AK7: variants seen among roughly 807,000 people sequenced by gnomAD.
AK7 encodes adenylate kinase 7.
A neutral mutation model predicts 96.6 loss-of-function variants in AK7; 78 were observed. That is an observed-to-expected ratio of 0.81 (90% CI 0.67 to 0.97). The LOEUF (loss-of-function observed/expected upper bound fraction) is 0.97. Among genes scored for constraint, AK7 ranks in the 50% least tolerant of loss-of-function variants. The pLI is 0.00. For missense variants in AK7, 855 were observed against 887.9 expected (o/e 0.96, Z 0.47); for synonymous variants, 302 against 317.2 (o/e 0.95, Z 0.51).
intron 14 of AK7, 68 bp from the exon 15 acceptor site, chr14:96,478,397 G>C: frequency 6.5e-7 from 1 of 1,538,004 alleles, no homozygotes. Flanking sequence ...GGGGCCATGC[G>C]TTCTCCAGCA....
intron 14 of AK7, among the ~76,000 whole-genome samples, chr14:96,475,990 GAA>G (rs35587140): frequency 1.2e-4 from 17 of 146,916 alleles, no homozygotes; most frequent in South Asian, 4.3e-4. Context: ...AAAAAAAAAA[GAA>G]AAAAAAAAAG....
intron 7 of AK7, among the ~76,000 whole-genome samples, chr14:96,443,493 A>G (rs1893066127): frequency 6.6e-6 from 1 of 152,050 alleles, no homozygotes; most frequent in Non-Finnish European, 1.5e-5. Context: ...TCTTTCTCTC[A>G]TCCACTGGCC....
intron 5 of AK7, among the ~76,000 whole-genome samples, chr14:96,428,932 C>T (rs1005304507): frequency 5.3e-5 from 8 of 151,990 alleles, no homozygotes; most frequent in South Asian, 2.1e-4. Context: ...ACTCTGATGG[C>T]GGTTTATTTT....
chr14:96,394,040 C>T (rs959723988), intron 1 of AK7, among the ~76,000 whole-genome samples: 2 of 151,480 alleles, frequency 1.3e-5, no homozygotes, highest in East Asian at 1.9e-4. Flanking sequence ...ACCCAGGGGG[C>T]GGAGGTTGCA....
intron 1 of AK7, among the ~76,000 whole-genome samples, chr14:96,396,668 A>G (rs1890099173): frequency 6.6e-6 from 1 of 152,244 alleles, no homozygotes; most frequent in South Asian, 2.1e-4. Flanking sequence ...TTATTTATAT[A>G]TGCTTAATAG....
chr14:96,446,126 A>C (rs910801340), intron 7 of AK7, among the ~76,000 whole-genome samples: 1 of 152,090 alleles, frequency 6.6e-6, no homozygotes, highest in African/African-American at 2.4e-5. Flanking sequence ...CATTGTTGTG[A>C]GGCTCACACG....
chr14:96,456,607 A>G (rs1893926136), intron 11 of AK7, 132 bp downstream of exon 11: 3 of 1,038,908 alleles, frequency 2.9e-6, no homozygotes, highest in Non-Finnish European at 4.2e-6. Flanking sequence ...GGCAACATCC[A>G]AGGTGTCCTA....
At chr14:96,459,242 G>A (rs1282941644) in intron 12 of AK7, among the ~76,000 whole-genome samples, 1 of 152,028 alleles carries the variant, frequency 6.6e-6, no homozygotes, top group African/African-American at 2.4e-5. Flanking sequence ...GGAAGGTGAG[G>A]CAGGAGAATC....
intron 1 of AK7, among the ~76,000 whole-genome samples, chr14:96,394,516 C>A (rs996597154): frequency 6.6e-6 from 1 of 152,174 alleles, no homozygotes; most frequent in African/African-American, 2.4e-5. Flanking sequence ...AGCCGGGATG[C>A]ACTCATGGTC....
intron 16 of AK7, among the ~76,000 whole-genome samples, chr14:96,484,862 A>C (rs1418411794): frequency 6.6e-6 from 1 of 152,260 alleles, no homozygotes; most frequent in African/African-American, 2.4e-5. Context: ...CAGTGCCTAG[A>C]ATAGTGCCTG....
Position 96,446,585 on chromosome 14 carries a change from A to G in AK7, c.848A>G (p.His283Arg). Residue 283 changes from histidine to arginine, a missense_variant, in exon 8 of 18, where the codon CAT becomes CGT. Transcript: ENST00000267584. ...CTGGTTGCTGTGGATGAGTCTGTTC[A>G]TACCCTGGAAGACATAGTCAAGGTA... is the stretch of plus-strand genomic sequence containing the variant. Reference protein sequence around the residue: ...HYLVAVDESVHTLEDIVKCIS... With the variant: ...HYLVAVDESVRTLEDIVKCIS... 2.5e-6 allele frequency: 4 copies of G among 1,614,110 alleles called. No individual in the cohort carries two copies. Among genetic ancestry groups the G allele is most frequent in the Non-Finnish European group, 3.4e-6 (4 of 1,179,956 alleles).
chr14:96,415,457 G>T (rs1891272941), intron 4 of AK7, among the ~76,000 whole-genome samples: 1 of 152,102 alleles, frequency 6.6e-6, no homozygotes. Flanking sequence ...TAGCTGGAAT[G>T]AAGTGTTGTC....
At chr14:96,428,227 C>T (rs10145935) in intron 5 of AK7, among the ~76,000 whole-genome samples, 8,210 of 148,204 alleles carry the variant, frequency 0.055, 894 homozygotes, top group African/African-American at 0.2. Flanking sequence ...GGTTTTCTGT[C>T]CTTGCAATAG....
intron 17 of AK7, 192 bp from the exon 18 acceptor site, chr14:96,488,113 A>C (rs1895875342): frequency 2.2e-6 from 1 of 460,618 alleles, no homozygotes; most frequent in African/African-American, 2.0e-5. Context: ...AAGTTTCACC[A>C]TGTTGACCAG....
At chr14:96,410,004 G>A (rs1243175084) in intron 4 of AK7, among the ~76,000 whole-genome samples, 1 of 152,186 alleles carries the variant, frequency 6.6e-6, no homozygotes. Context: ...ATACACCATT[G>A]ATCCCAGATA....
intron 14 of AK7, among the ~76,000 whole-genome samples, chr14:96,473,172 A>AT (rs112108415): frequency 0.048 from 6,548 of 137,068 alleles, 174 homozygotes; most frequent in South Asian, 0.094. Context: ...TGCCCAGCTA[A>AT]TTTTTTTTTT....
chr14:96,467,930 A>G (rs1391941681), intron 12 of AK7, among the ~76,000 whole-genome samples: 2 of 152,046 alleles, frequency 1.3e-5, no homozygotes, highest in Non-Finnish European at 2.9e-5. Context: ...TTCTGCTTCT[A>G]TAAAGAAAAA....
intron 5 of AK7, among the ~76,000 whole-genome samples, chr14:96,436,561 C>A (rs1892646074): frequency 1.3e-5 from 2 of 152,302 alleles, no homozygotes; most frequent in African/African-American, 4.8e-5. Flanking sequence ...AGGAGAATCA[C>A]TTGAACCCAG....
At chr14:96,392,294 G>A (rs781329541) in intron 1 of AK7, 35 bp downstream of exon 1, 5 of 1,559,738 alleles carry the variant, frequency 3.2e-6, no homozygotes, top group Middle Eastern at 3.4e-4. Flanking sequence ...CCTCACGCCA[G>A]CTCTCAGCTC....
Sources: gnomAD v4.1 joint callset for allele counts (sites outside exome capture counted in the v4.1 genomes callset) on GRCh38, gnomAD v4.1.1 for gene constraint, MANE v1.5 for transcripts, NCBI Gene and HGNC (gene_info 2026-07-23, HGNC 2026-07-21) for gene names.